The following GNPDA1 variants were observed in gnomAD, a reference collection of about 807,000 sequenced individuals.
GNPDA1 encodes the protein GNPDA 1.
In GNPDA1, 24 loss-of-function variants were observed where a neutral mutation model predicts 28.5. The ratio of observed to expected loss-of-function variants is 0.84; its 90% CI spans 0.61 to 1.19. The LOEUF is 1.19. GNPDA1 is among the 50% of genes most tolerant of loss of function. The probability of loss-of-function intolerance (pLI) is 0.00; values close to 1 mark genes in which losing one functional copy is unlikely to be tolerated. For synonymous variants in GNPDA1, 147 were observed against 139.3 expected, an observed-to-expected ratio of 1.06 and a Z score of -0.39; for missense variants, 264 against 367.3, an observed-to-expected ratio of 0.72 and a Z score of 2.30.
Position 142,012,020 on chromosome 5 carries a change from GGAT to G in GNPDA1, c.13_15del (p.Ile5del). On this transcript the variant is annotated inframe_deletion, in exon 2 of 7. Transcript: ENST00000311337. ...TCGCTCGCCTGAGAATAGTGCTCCA[GGAT>G]GATGAGCTTCATCTTGTCCTGCAGT... The G allele has an allele frequency of 3.7e-6, 6 of 1,602,620 alleles. No individual in the cohort carries two copies. Among genetic ancestry groups the G allele is most frequent in the Non-Finnish European group, 5.1e-6 (6 of 1,170,520 alleles).
At chr5:142,008,947 GT>G (rs1174400350) in intron 2 of GNPDA1, among the ~76,000 whole-genome samples, 2 of 152,056 alleles carry the variant, frequency 1.3e-5, no homozygotes, top group African/African-American at 4.8e-5. Flanking sequence ...AGGTATGATG[GT>G]ATCATGGTTG....
chr5:142,005,979 A>G (rs1055536455), intron 4 of GNPDA1, 165 bp downstream of exon 4: 35 of 589,690 alleles, frequency 5.9e-5, no homozygotes, highest in Non-Finnish European at 9.7e-5. Context: ...CTCCAAGATA[A>G]CATAGTTCCT....
intron 2 of GNPDA1, among the ~76,000 whole-genome samples, chr5:142,010,403 C>T (rs907094419): frequency 6.6e-6 from 1 of 152,192 alleles, no homozygotes; most frequent in Admixed American, 6.5e-5. Flanking sequence ...AAATGATCGA[C>T]CCACCTCAGC....
At chr5:142,012,412 T>C (rs2127100169) in intron 1 of GNPDA1, 1 of 165,722 alleles carries the variant, frequency 6.0e-6, no homozygotes, top group Non-Finnish European at 1.3e-5. Flanking sequence ...AGAGAATGCA[T>C]GTAAACAACT....
intron 2 of GNPDA1, 56 bp downstream of exon 2, chr5:142,011,856 C>T (rs1447096801): frequency 1.2e-6 from 2 of 1,600,172 alleles, no homozygotes; most frequent in African/African-American, 1.3e-5. Flanking sequence ...TACCTGGCCC[C>T]TGTTGCCTAC....
At chr5:142,009,168 CCT>C (rs1561573164) in intron 2 of GNPDA1, among the ~76,000 whole-genome samples, 2 of 151,942 alleles carry the variant, frequency 1.3e-5, no homozygotes, top group African/African-American at 4.8e-5. Context: ...CTGTTTTTTT[CCT>C]CTTTTTTGAA....
intron 2 of GNPDA1, 117 bp downstream of exon 2, chr5:142,011,795 G>A (rs1276208990): frequency 8.4e-6 from 10 of 1,196,390 alleles, no homozygotes; most frequent in Non-Finnish European, 1.1e-5. Flanking sequence ...TGCTCTCTCA[G>A]CACCAGTACC....
At chr5:142,012,691 G>A in intron 1 of GNPDA1, 2 of 970,482 alleles carry the variant, frequency 2.1e-6, no homozygotes, top group Non-Finnish European at 2.5e-6. Flanking sequence ...ACCCCTCTGG[G>A]TCTTCAGTTT....
chr5:142,006,080 G>A, intron 4 of GNPDA1, 64 bp downstream of exon 4: 1 of 1,349,174 alleles, frequency 7.4e-7, no homozygotes, highest in Non-Finnish European at 1.0e-6. Context: ...GACAGGCATT[G>A]TGTCTTGTCC....
In GNPDA1 at chr5:142,010,503, T is replaced by TTTTCTTTC. The variant is rs1554085946; in HGVS notation, c.124+1401_124+1408dup. ...AGCTTATGAGTTAAGAATGGTTTTC[T>TTTTCTTTC]TTTCTTTCTTTTTTTTTTTTTTTTT... On this transcript the variant is annotated intron_variant, in intron 2 of 6. Coordinates refer to ENST00000311337, the MANE Select transcript of GNPDA1 (RefSeq NM_005471.5). 2.2e-4 allele frequency among the ~76,000 whole-genome samples: 9 copies of TTTTCTTTC among 41,120 alleles called. 2 individuals are homozygous for TTTTCTTTC. Among genetic ancestry groups the TTTTCTTTC allele is most frequent in the Non-Finnish European group, 2.1e-4 (4 of 18,858 alleles). 27.0% of individuals were successfully genotyped at this position (41,120 alleles called of 152,430 possible). A position where few individuals can be genotyped will look rare whatever the true frequency, so the allele number is the denominator to read the frequency against.
chr5:142,003,155 G>A lies in GNPDA1; in HGVS notation c.702C>T (p.Arg234=), dbSNP rs1755718528. 1 of 1,614,110 alleles carries A rather than the reference G, an allele frequency of 6.2e-7. No homozygotes were observed. The change falls in exon 6 of 7, where the codon CGC becomes CGT. Residue 234 remains arginine (R), a synonymous_variant. Transcript: ENST00000311337. This position sits in a 1 kb window ranked among gnomAD's most constrained non-coding sequence, Gnocchi z 4.0. ...CATCCTCGTCACACACAAACACGGT[G>A]CGGGGATGCTGCTGGAAGGCAGACA... ...WTVSAFQQHP[R]TVFVCDEDAT...
rs1027172033 is a variant in GNPDA1 at position 142,007,225 on chromosome 5, T to C, written c.226+574A>G. 5.1e-4 allele frequency among the ~76,000 whole-genome samples: 78 copies of C among 152,168 alleles called. 1 individual carries two copies. The highest frequency in any genetic ancestry group is 6.5e-5 in the Admixed American group (1 of 15,276). ...AAGGTGGTTAAGATGGTAAATGTCA[T>C]GTTACATGTATTTTACCACAATTTT... On this transcript the variant is annotated intron_variant, in intron 3 of 6. Coordinates refer to ENST00000311337, the MANE Select transcript of GNPDA1 (RefSeq NM_005471.5).
chr5:142,006,120 T>C (rs376279312), intron 4 of GNPDA1, 24 bp downstream of exon 4: 1 of 1,593,380 alleles, frequency 6.3e-7, no homozygotes, highest in African/African-American at 1.3e-5. Flanking sequence ...CCTGGACATG[T>C]GTGCTGCAGA....
intron 4 of GNPDA1, 139 bp from the exon 5 acceptor site, chr5:142,005,255 C>T: frequency 1.6e-6 from 1 of 631,012 alleles, no homozygotes; most frequent in Admixed American, 2.8e-5. Context: ...CAGCCCTGGG[C>T]AGGTACACCT....
chr5:142,001,135 G>A lies in GNPDA1; in HGVS notation c.*894C>T, dbSNP rs1239013224. On this transcript the variant is annotated 3_prime_UTR_variant, in exon 7 of 7. Transcript: ENST00000311337. The stretch of plus-strand genomic sequence containing the variant: ...CAGGAGAGCGGGACACTCAGGAGTT[G>A]TGACTAAACTCACACTTAAGCTGCC... 1 of 152,316 alleles carries A rather than the reference G, an allele frequency of 6.6e-6. No homozygotes were observed. Among genetic ancestry groups the A allele is most frequent in the African/African-American group, 2.4e-5 (1 of 41,434 alleles). The allele number at this position is 152,316 out of a possible 1,614,324, so 9.4% of individuals were successfully genotyped here. A position where few individuals can be genotyped will look rare whatever the true frequency, so the allele number is the denominator to read the frequency against.
Position 142,006,290 on chromosome 5 carries a change from A to G in GNPDA1, c.263T>C (p.Phe88Ser). 1 of 1,614,012 alleles carries G rather than the reference A, an allele frequency of 6.2e-7. No individual in the cohort carries two copies. Among genetic ancestry groups the G allele is most frequent in the Non-Finnish European group, 8.5e-7 (1 of 1,179,932 alleles). The change falls in exon 4 of 7, where the codon TTC becomes TCC. Residue 88 changes from phenylalanine to serine, a missense_variant. Physicochemically the swap from Phe to Ser is radical, Grantham distance 155. Coordinates refer to ENST00000311337, the MANE Select transcript of GNPDA1 (RefSeq NM_005471.5). ...GTGCTTGAAGAAGTTGTTCCACATGAAGGAGTGGTAACTCTCCGGGTGGTC... is the reference window on the plus strand; with the variant it reads ...GTGCTTGAAGAAGTTGTTCCACATGGAGGAGTGGTAACTCTCCGGGTGGTC... ...PRDHPESYHS[F>S]MWNNFFKHID...
At chr5:142,009,962 C>T (rs910701980) in intron 2 of GNPDA1, among the ~76,000 whole-genome samples, 7 of 152,092 alleles carry the variant, frequency 4.6e-5, no homozygotes, top group Admixed American at 4.6e-4. Context: ...ATGATGGGAA[C>T]GAGGGAATGG....
At chr5:142,011,707 G>A in intron 2 of GNPDA1, 1 of 497,382 alleles carries the variant, frequency 2.0e-6, no homozygotes, top group Non-Finnish European at 3.7e-6. Flanking sequence ...TCTGCTCCAG[G>A]ATTCTGCAGG....
At chr5:142,005,168 C>T (rs1052172483) in intron 4 of GNPDA1, 52 bp from the exon 5 acceptor site, 1 of 1,354,466 alleles carries the variant, frequency 7.4e-7, no homozygotes, top group Admixed American at 2.0e-5. Context: ...TCCAAGATTT[C>T]AAGAATGGAC....
Sources: gnomAD v4.1 joint callset for allele counts (sites outside exome capture counted in the v4.1 genomes callset) on GRCh38, gnomAD v4.1.1 for gene constraint, Gnocchi (gnomAD v3.1) non-coding constraint, MANE v1.5 for transcripts, NCBI Gene and HGNC (gene_info 2026-07-23, HGNC 2026-07-21) for gene names.